ASNS: variants seen among roughly 807,000 people sequenced by gnomAD.
ASNS encodes the protein asparagine synthetase [glutamine-hydrolyzing].
In ASNS, 37 loss-of-function variants were observed where a neutral mutation model predicts 62.6. That is an observed-to-expected ratio of 0.59 (90% CI 0.45 to 0.78). ASNS has a LOEUF of 0.78. Ranked by LOEUF, ASNS falls within the 30% of genes least tolerant of loss-of-function variation. The pLI, the probability that ASNS is intolerant of heterozygous loss-of-function variation, is 0.00. For synonymous variants in ASNS, 207 were observed against 237.9 expected, an observed-to-expected ratio of 0.87 and a Z score of 1.19; for missense variants, 520 against 682.4, an observed-to-expected ratio of 0.76 and a Z score of 2.65.
the ASNS span, among the ~76,000 whole-genome samples, chr7:97,917,590 C>A: frequency 6.6e-6 from 1 of 152,248 alleles, no homozygotes; most frequent in African/African-American, 2.4e-5. Context: ...ACACACAGCA[C>A]AGCCCCAGAC....
intron 7 of ASNS, 132 bp from the exon 8 acceptor site, chr7:97,856,948 T>C (rs1233664344): frequency 1.1e-6 from 1 of 949,180 alleles, no homozygotes; most frequent in Non-Finnish European, 1.6e-6. Flanking sequence ...AAAAGAAAAA[T>C]GACTTTACAG....
chr7:97,866,773 G>A (rs1791993585), intron 3 of ASNS, among the ~76,000 whole-genome samples: 1 of 152,236 alleles, frequency 6.6e-6, no homozygotes, highest in South Asian at 2.1e-4. Flanking sequence ...AGTCCTCACT[G>A]AACTGTCCAA....
At chr7:97,897,102 C>T in the ASNS span, among the ~76,000 whole-genome samples, 1 of 152,050 alleles carries the variant, frequency 6.6e-6, no homozygotes, top group African/African-American at 2.4e-5. Context: ...CTCTTGAGAA[C>T]AAAGATTGTA....
At chr7:97,853,968 T>G (rs911033340) in intron 10 of ASNS, among the ~76,000 whole-genome samples, 1 of 152,226 alleles carries the variant, frequency 6.6e-6, no homozygotes, top group African/African-American at 2.4e-5. Flanking sequence ...TATATCCTTA[T>G]CTAGGTGTGA....
In ASNS at chr7:97,852,385, T is replaced by C; in HGVS notation, c.1560A>G (p.Gln520=). 6.2e-6 allele frequency: 10 copies of C among 1,614,186 alleles called. No individual in the cohort carries two copies. In the Middle Eastern group the frequency reaches 1.3e-3, roughly 213 times the overall value. The change falls in exon 13 of 13, where the codon CAA becomes CAG. Residue 520 remains glutamine, a synonymous_variant. Coordinates refer to ENST00000394308, the MANE Select transcript of ASNS (RefSeq NM_001673.5). ...PKTKEGYYYR[Q]VFERHYPGRA... is the part of the protein sequence containing the mutation. The stretch of plus-strand genomic sequence containing the variant: ...GGCCTGGGTAATGGCGTTCAAAGAC[T>C]TGACGGTAGTAATATCCTTCTTTGG...
the ASNS span, among the ~76,000 whole-genome samples, chr7:97,917,810 C>T: frequency 2.3e-4 from 35 of 152,308 alleles, no homozygotes; most frequent in South Asian, 4.6e-3. Flanking sequence ...CAGTCAACCA[C>T]GTATCAGCAA....
chr7:97,886,074 A>G, the ASNS span: 5 of 549,950 alleles, frequency 9.1e-6, no homozygotes, highest in Admixed American at 6.7e-5. Context: ...AACCAGACAG[A>G]TAAGGATAGA....
chr7:97,891,206 T>C, the ASNS span, among the ~76,000 whole-genome samples: 9 of 152,218 alleles, frequency 5.9e-5, no homozygotes, highest in Non-Finnish European at 8.8e-5. Context: ...ATAGAGCTTC[T>C]GCAGAGAAAC....
At chr7:97,898,054 A>C in the ASNS span, among the ~76,000 whole-genome samples, 6 of 152,116 alleles carry the variant, frequency 3.9e-5, no homozygotes, top group Admixed American at 3.9e-4. Flanking sequence ...CAGCCTTCAG[A>C]GTAGCTGAGA....
the ASNS span, among the ~76,000 whole-genome samples, chr7:97,902,403 G>A: frequency 6.6e-6 from 1 of 152,102 alleles, no homozygotes; most frequent in East Asian, 1.9e-4. Context: ...GGTCAACACA[G>A]TACTTTTCTT....
chr7:97,890,037 G>A, the ASNS span, among the ~76,000 whole-genome samples: 1 of 148,980 alleles, frequency 6.7e-6, no homozygotes, highest in African/African-American at 2.5e-5. Context: ...AATCCTGGAA[G>A]AGAATAAATC....
upstream of ASNS, among the ~76,000 whole-genome samples, chr7:97,876,643 C>T (rs537040932): frequency 6.6e-6 from 1 of 151,896 alleles, no homozygotes; most frequent in Non-Finnish European, 1.5e-5. Context: ...GTCCAGGATG[C>T]TCTCGATCTC....
chr7:97,852,862 T>C lies in ASNS; in HGVS notation c.1476+198A>G, dbSNP rs568554706. On this transcript the variant is annotated intron_variant, in intron 12 of 12. Coordinates refer to ENST00000394308, the MANE Select transcript of ASNS (RefSeq NM_001673.5). ...TACGTAATTCTTACAAAAGAGATAATTGTTTACAGAGACTCTGAATCTCTC... is the reference window on the plus strand; with the variant it reads ...TACGTAATTCTTACAAAAGAGATAACTGTTTACAGAGACTCTGAATCTCTC... 1.6e-4 allele frequency among the ~76,000 whole-genome samples: 25 copies of C among 152,282 alleles called. 1 individual carries two copies. The South Asian group carries it at 5.2e-3, about 32-fold the overall frequency.
At chr7:97,865,945 G>A (rs962053577) in intron 3 of ASNS, among the ~76,000 whole-genome samples, 9 of 152,084 alleles carry the variant, frequency 5.9e-5, no homozygotes, top group African/African-American at 2.2e-4. Context: ...AATAAACTGC[G>A]TGTTTTACAC....
At chr7:97,877,182 C>T (rs1178432818), upstream of ASNS, among the ~76,000 whole-genome samples, 1 of 151,822 alleles carries the variant, frequency 6.6e-6, no homozygotes, top group African/African-American at 2.4e-5. Flanking sequence ...GCAACCTCCA[C>T]CTCCTGGGTT....
chr7:97,895,614 T>A, the ASNS span, among the ~76,000 whole-genome samples: 2 of 152,032 alleles, frequency 1.3e-5, no homozygotes, highest in African/African-American at 4.8e-5. Context: ...GCCAACATGG[T>A]GAAACCCTGT....
chr7:97,897,403 G>T, the ASNS span, among the ~76,000 whole-genome samples: 1 of 152,130 alleles, frequency 6.6e-6, no homozygotes, highest in African/African-American at 2.4e-5. Context: ...TTGACAAATG[G>T]GATCTAATTA....
At chr7:97,927,071 CTTTTTTTTTTTTT>C in the ASNS span, among the ~76,000 whole-genome samples, 4,731 of 40,750 alleles carry the variant, frequency 0.12, 281 homozygotes, top group African/African-American at 0.23. Context: ...CCACACCTGG[CTTTTTTTTTTTTT>C]TTTTTTTTTT....
intron 3 of ASNS, among the ~76,000 whole-genome samples, chr7:97,866,345 C>T (rs894636630): frequency 1.3e-5 from 2 of 152,200 alleles, no homozygotes; most frequent in African/African-American, 4.8e-5. Context: ...AGTGCTTCCA[C>T]CACTGCAGCA....
Sources: gnomAD v4.1 joint callset for allele counts (sites outside exome capture counted in the v4.1 genomes callset) on GRCh38, gnomAD v4.1.1 for gene constraint, MANE v1.5 for transcripts, NCBI Gene and HGNC (gene_info 2026-07-23, HGNC 2026-07-21) for gene names.